PTPRM: variants seen among roughly 807,000 people sequenced by gnomAD.
The protein encoded by PTPRM is receptor-type tyrosine-protein phosphatase mu.
PTPRM carries 47 observed loss-of-function variants against 186.7 expected under a neutral mutation model. That is an observed-to-expected ratio of 0.25 (90% CI 0.20 to 0.32). PTPRM has a LOEUF of 0.32. Ranked by LOEUF, PTPRM falls within the 10% of genes least tolerant of loss-of-function variation. The pLI is 1.00. For synonymous variants in PTPRM, 668 were observed against 674.9 expected, an observed-to-expected ratio of 0.99 and a Z score of 0.16; for missense variants, 1,494 against 1,865.0, an observed-to-expected ratio of 0.80 and a Z score of 3.66.
chr18:7,703,585 G>T (rs147713462), intron 1 of PTPRM, among the ~76,000 whole-genome samples: 1 of 152,098 alleles, frequency 6.6e-6, no homozygotes, highest in East Asian at 1.9e-4. Context: ...GAGATGATGG[G>T]GTTTTCTAAA....
chr18:7,585,616 C>CT (rs1001511957), intron 1 of PTPRM, among the ~76,000 whole-genome samples: 8 of 151,490 alleles, frequency 5.3e-5, no homozygotes, highest in Admixed American at 1.3e-4. Flanking sequence ...GGCTTTCTCT[C>CT]TTTTTTTTTC....
At chr18:8,195,477 G>A (rs1015674064) in intron 14 of PTPRM, among the ~76,000 whole-genome samples, 1 of 152,180 alleles carries the variant, frequency 6.6e-6, no homozygotes, top group African/African-American at 2.4e-5. Context: ...TAGCAAAGAT[G>A]TGGAATCAAC....
At chr18:7,642,374 C>T (rs1298157361) in intron 1 of PTPRM, among the ~76,000 whole-genome samples, 1 of 152,188 alleles carries the variant, frequency 6.6e-6, no homozygotes, top group Non-Finnish European at 1.5e-5. Context: ...TCTAATTCTT[C>T]TACTGTCGTT....
At chr18:8,097,616 G>C (rs2091074546) in intron 11 of PTPRM, among the ~76,000 whole-genome samples, 1 of 152,188 alleles carries the variant, frequency 6.6e-6, no homozygotes, top group South Asian at 2.1e-4. Flanking sequence ...AAGCTGTCTA[G>C]AAAAGTACAG....
At chr18:7,930,355 C>T (rs1045721975) in intron 5 of PTPRM, among the ~76,000 whole-genome samples, 5 of 152,150 alleles carry the variant, frequency 3.3e-5, no homozygotes, top group African/African-American at 4.8e-5. Context: ...CAGACGTGAG[C>T]CACCATGCCC....
At position 7,767,299 on chromosome 18, in the gene PTPRM, A is replaced by G. The variant is rs76735825; in HGVS notation, c.74-6850A>G. Reference sequence around the variant, plus strand: ...TTAGAACAGAATGATAAATATTTGTATATCTCAGTAGAGATAAATTTGGTT... The same window carrying G: ...TTAGAACAGAATGATAAATATTTGTGTATCTCAGTAGAGATAAATTTGGTT... On this transcript the variant is annotated intron_variant, in intron 1 of 32. Coordinates refer to ENST00000580170, the MANE Select transcript of PTPRM (RefSeq NM_001105244.2). 2.4e-3 allele frequency among the ~76,000 whole-genome samples: 373 copies of G among 152,356 alleles called. 1 individual carries two copies. The highest frequency in any genetic ancestry group is 8.0e-3 in the African/African-American group (333 of 41,572).
chr18:7,810,130 C>A (rs921696337), intron 2 of PTPRM, among the ~76,000 whole-genome samples: 1 of 152,110 alleles, frequency 6.6e-6, no homozygotes, highest in Non-Finnish European at 1.5e-5. Flanking sequence ...TCTGCAGTAG[C>A]CAAACACCCC....
chr18:7,787,328 C>T (rs1263532249), intron 2 of PTPRM, among the ~76,000 whole-genome samples: 1 of 152,198 alleles, frequency 6.6e-6, no homozygotes, highest in Non-Finnish European at 1.5e-5. Context: ...GATGAACTGT[C>T]ATAAGAGATA....
chr18:7,755,497 A>G (rs2041441332), intron 1 of PTPRM, among the ~76,000 whole-genome samples: 1 of 152,212 alleles, frequency 6.6e-6, no homozygotes, highest in Admixed American at 6.5e-5. Flanking sequence ...CCCATGTGGA[A>G]GAGCAACTGA....
At chr18:7,891,414 A>T (rs924368552) in intron 3 of PTPRM, among the ~76,000 whole-genome samples, 1 of 150,474 alleles carries the variant, frequency 6.6e-6, no homozygotes, top group Non-Finnish European at 1.5e-5. Flanking sequence ...TACTGTTTTT[A>T]TTTATAAAAC....
intron 14 of PTPRM, among the ~76,000 whole-genome samples, chr18:8,153,626 G>C (rs1026042428): frequency 2.6e-5 from 4 of 152,220 alleles, no homozygotes; most frequent in Non-Finnish European, 4.4e-5. Flanking sequence ...GACTTGAGCA[G>C]TCTTGTACAA....
intron 14 of PTPRM, among the ~76,000 whole-genome samples, chr18:8,214,151 G>A (rs577032047): frequency 1.3e-5 from 2 of 152,150 alleles, no homozygotes; most frequent in African/African-American, 2.4e-5. Flanking sequence ...CTGCCTATTG[G>A]GGTACAGTGT....
At chr18:7,925,659 A>G (rs2051129996) in intron 4 of PTPRM, among the ~76,000 whole-genome samples, 1 of 152,176 alleles carries the variant, frequency 6.6e-6, no homozygotes, top group Non-Finnish European at 1.5e-5. Flanking sequence ...AAGTATGATC[A>G]TCCCCTTTGC....
chr18:8,036,267 A>G (rs1012430603), intron 7 of PTPRM, among the ~76,000 whole-genome samples: 1 of 152,260 alleles, frequency 6.6e-6, no homozygotes, highest in African/African-American at 2.4e-5. Context: ...AAAATGTTCT[A>G]CACTCTGATT....
chr18:7,842,930 G>GTATATATATATATA (rs1555616949), intron 2 of PTPRM, among the ~76,000 whole-genome samples: 10 of 100,926 alleles, frequency 9.9e-5, no homozygotes, highest in East Asian at 7.1e-4. Context: ...GTGTGTGTGT[G>GTATATATATATATA]TATATATATA....
chr18:7,818,034 A>C (rs966426231), intron 2 of PTPRM, among the ~76,000 whole-genome samples: 2 of 152,066 alleles, frequency 1.3e-5, no homozygotes, highest in African/African-American at 4.8e-5. Context: ...CAGCCTAGGG[A>C]TTTTGCAAGT....
At chr18:7,606,034 T>A (rs1308716387) in intron 1 of PTPRM, among the ~76,000 whole-genome samples, 1 of 152,102 alleles carries the variant, frequency 6.6e-6, no homozygotes, top group Non-Finnish European at 1.5e-5. Context: ...AGCCACTCCC[T>A]TTACTGGTCT....
intron 1 of PTPRM, among the ~76,000 whole-genome samples, chr18:7,674,636 T>G (rs914668041): frequency 6.6e-6 from 1 of 152,234 alleles, no homozygotes; most frequent in African/African-American, 2.4e-5. Flanking sequence ...CTCTTTCTTC[T>G]TCCTAGGTAG....
rs117415694 is a variant in PTPRM, at chr18:8,396,489, G to T, written c.4344+1878G>T. On this transcript the variant is annotated intron_variant, in intron 32 of 32. Transcript: ENST00000580170. ...GCTTTCATCACTCACCAGGTTTTAT[G>T]GGCAGGAGTGATGGGGCTTTTTCCA... Among the ~76,000 whole-genome samples the T allele has an allele frequency of 1.6e-4, 24 of 152,296 alleles. No homozygotes were observed. The East Asian group carries it at 3.9e-3, about 25-fold the overall frequency.
Sources: gnomAD v4.1 joint callset for allele counts (sites outside exome capture counted in the v4.1 genomes callset) on GRCh38, gnomAD v4.1.1 for gene constraint, MANE v1.5 for transcripts, NCBI Gene and HGNC (gene_info 2026-07-23, HGNC 2026-07-21) for gene names.